Variants in CNTNAP2 observed in about 807,000 individuals in gnomAD.
CNTNAP2 encodes contactin-associated protein-like 2.
Under a neutral mutation model 155.2 loss-of-function variants are expected in CNTNAP2, and 98 were observed. The observed-to-expected ratio is 0.63, with a 90% CI of 0.54 to 0.75. CNTNAP2 has a LOEUF of 0.75. Ranked by LOEUF, CNTNAP2 falls within the 30% of genes least tolerant of loss-of-function variation. The pLI is 0.00. For missense variants in CNTNAP2, 1,727 were observed against 1,688.1 expected (o/e 1.02, Z -0.40); for synonymous variants, 651 against 631.2 (o/e 1.03, Z -0.47).
At position 146,480,976 on chromosome 7, in the gene CNTNAP2, G is replaced by A. The variant is rs1796952658; in HGVS notation, c.98-293295G>A. 2.6e-5 allele frequency among the ~76,000 whole-genome samples: 4 copies of A among 151,576 alleles called. No individual in the cohort carries two copies. In the South Asian group the frequency reaches 8.3e-4, roughly 32 times the overall value. ...ACCACAGGCATGAGCCACCGCGCCC[G>A]GCCCCCAGAACCTGGTATATTAATG... On this transcript the variant is annotated intron_variant, in intron 1 of 23. Transcript: ENST00000361727.
chr7:148,012,518 G>T (rs1802098819), intron 15 of CNTNAP2, among the ~76,000 whole-genome samples: 1 of 152,132 alleles, frequency 6.6e-6, no homozygotes, highest in South Asian at 2.1e-4. Flanking sequence ...ATACTGTATG[G>T]TGCTCTTCAA....
intron 10 of CNTNAP2, among the ~76,000 whole-genome samples, chr7:147,485,562 G>C (rs747958295): frequency 9.2e-5 from 14 of 152,180 alleles, no homozygotes; most frequent in Admixed American, 2.6e-4. Context: ...GCTTGACAAA[G>C]AATAGAATAA....
rs1400482471 is a variant in CNTNAP2, at chr7:147,118,644, T to C, written c.755-2335T>C. On this transcript the variant is annotated intron_variant, in intron 5 of 23. Transcript: ENST00000361727. Reference sequence around the variant, plus strand: ...TATAGCCTATTACACACCTAGGCTATATGGTAGAGCTTATTGCTCCTAGTG... The same window carrying C: ...TATAGCCTATTACACACCTAGGCTACATGGTAGAGCTTATTGCTCCTAGTG... Among the ~76,000 whole-genome samples, 3 of 152,090 alleles carry C rather than the reference T, an allele frequency of 2.0e-5. No individual in the cohort carries two copies. The East Asian group carries it at 5.8e-4, about 29-fold the overall frequency.
chr7:146,151,603 G>C (rs1322291231), intron 1 of CNTNAP2, among the ~76,000 whole-genome samples: 1 of 134,482 alleles, frequency 7.4e-6, no homozygotes, highest in African/African-American at 2.7e-5. Context: ...CAATGTAAGT[G>C]TCCATCACTG....
intron 13 of CNTNAP2, among the ~76,000 whole-genome samples, chr7:147,703,558 G>A (rs1020179221): frequency 7.2e-5 from 11 of 152,158 alleles, no homozygotes; most frequent in African/African-American, 2.7e-4. Context: ...TGTATTCAAA[G>A]CAGTTGATCC....
chr7:148,296,545 CAAAAAAAAAAAA>C (rs143609414), intron 21 of CNTNAP2, among the ~76,000 whole-genome samples: 2 of 76,608 alleles, frequency 2.6e-5, no homozygotes, highest in Non-Finnish European at 4.9e-5. Flanking sequence ...GACTCTGTCT[CAAAAAAAAAAAA>C]AAAAAAAAAA....
intron 3 of CNTNAP2, among the ~76,000 whole-genome samples, chr7:146,867,682 T>C (rs940099634): frequency 6.6e-5 from 10 of 152,120 alleles, no homozygotes; most frequent in African/African-American, 1.7e-4. Flanking sequence ...TCAGCATCTG[T>C]TATTTTATTT....
intron 19 of CNTNAP2, among the ~76,000 whole-genome samples, chr7:148,224,326 G>A (rs1202232323): frequency 6.6e-6 from 1 of 151,106 alleles, no homozygotes; most frequent in Non-Finnish European, 1.5e-5. Context: ...TTGGGTAAAG[G>A]AAAAACCGAG....
chr7:146,568,812 T>C (rs1798396545), intron 1 of CNTNAP2, among the ~76,000 whole-genome samples: 1 of 152,104 alleles, frequency 6.6e-6, no homozygotes, highest in African/African-American at 2.4e-5. Context: ...TGAAACCTGG[T>C]TCCCATGTTT....
chr7:146,306,699 A>G (rs905745087), intron 1 of CNTNAP2, among the ~76,000 whole-genome samples: 2 of 152,194 alleles, frequency 1.3e-5, no homozygotes, highest in Non-Finnish European at 2.9e-5. Flanking sequence ...AATAAATGTA[A>G]TCCAGCATAT....
At chr7:146,898,870 C>T (rs1344697552) in intron 3 of CNTNAP2, among the ~76,000 whole-genome samples, 1 of 151,920 alleles carries the variant, frequency 6.6e-6, no homozygotes, top group East Asian at 1.9e-4. Context: ...TGATCTGCCA[C>T]TTTTTTTCTC....
At chr7:146,348,480 A>G (rs760713865) in intron 1 of CNTNAP2, among the ~76,000 whole-genome samples, 2 of 152,170 alleles carry the variant, frequency 1.3e-5, no homozygotes, top group Admixed American at 6.5e-5. Flanking sequence ...ATTTCCACAC[A>G]TAACCTTAGT....
intron 17 of CNTNAP2, among the ~76,000 whole-genome samples, chr7:148,159,287 A>G (rs749863976): frequency 6.6e-6 from 1 of 152,070 alleles, no homozygotes; most frequent in Non-Finnish European, 1.5e-5. Flanking sequence ...CATCGCCGAC[A>G]CCCACTGAAA....
intron 3 of CNTNAP2, among the ~76,000 whole-genome samples, chr7:146,908,570 G>A (rs1295282530): frequency 1.5e-5 from 2 of 130,620 alleles, no homozygotes; most frequent in Non-Finnish European, 3.2e-5. Context: ...ATAACGAAAT[G>A]AAGGCAGAAA....
chr7:147,261,037 A>T (rs1227134539), intron 8 of CNTNAP2, among the ~76,000 whole-genome samples: 1 of 152,180 alleles, frequency 6.6e-6, no homozygotes, highest in Non-Finnish European at 1.5e-5. Flanking sequence ...CTCTGTCCAC[A>T]TTTTACAGTC....
chr7:147,985,782 G>A (rs192668750), intron 15 of CNTNAP2, among the ~76,000 whole-genome samples: 3 of 152,218 alleles, frequency 2.0e-5, no homozygotes, highest in Admixed American at 6.5e-5. Context: ...GTTGAATGAG[G>A]AAGAAAAATA....
At chr7:146,470,187 A>T (rs10254488) in intron 1 of CNTNAP2, among the ~76,000 whole-genome samples, 17,165 of 152,170 alleles carry the variant, frequency 0.11, 1,032 homozygotes, top group African/African-American at 0.16. Context: ...TTATAAATTT[A>T]ATCACACATT....
At chr7:147,301,705 A>G (rs570515001) in intron 9 of CNTNAP2, among the ~76,000 whole-genome samples, 3 of 151,658 alleles carry the variant, frequency 2.0e-5, no homozygotes, top group South Asian at 4.2e-4. Context: ...ATACCCTGCT[A>G]TATTCCTCAA....
At chr7:146,916,515 T>C (rs1250754763) in intron 3 of CNTNAP2, among the ~76,000 whole-genome samples, 1 of 152,160 alleles carries the variant, frequency 6.6e-6, no homozygotes. Context: ...CTACTTGTTA[T>C]TGGTCTGTTC....
Sources: gnomAD v4.1 joint callset for allele counts (sites outside exome capture counted in the v4.1 genomes callset) on GRCh38, gnomAD v4.1.1 for gene constraint, MANE v1.5 for transcripts, NCBI Gene and HGNC (gene_info 2026-07-23, HGNC 2026-07-21) for gene names.